ACO2: variants seen among roughly 807,000 people sequenced by gnomAD.
ACO2 encodes aconitase 2.
Under a neutral mutation model 84.5 loss-of-function variants are expected in ACO2, and 31 were observed. That is an observed-to-expected ratio of 0.37 (90% CI 0.28 to 0.50). The LOEUF is 0.50. ACO2 is among the 20% of genes least tolerant of loss of function. The probability of loss-of-function intolerance (pLI) is 0.97; values close to 1 mark genes in which losing one functional copy is unlikely to be tolerated. For synonymous variants in ACO2, 414 were observed against 412.7 expected (o/e 1.00, Z -0.04); for missense variants, 685 against 1,029.3 (o/e 0.67, Z 4.58).
intron 1 of ACO2, among the ~76,000 whole-genome samples, chr22:41,492,836 CA>C (rs1312126342): frequency 2.0e-5 from 3 of 152,124 alleles, no homozygotes; most frequent in African/African-American, 7.2e-5. Context: ...CCCAGCTACT[CA>C]GGAGGCTGAG....
chr22:41,477,007 G>T (rs1274201940), intron 1 of ACO2, among the ~76,000 whole-genome samples: 1 of 150,730 alleles, frequency 6.6e-6, no homozygotes, highest in Non-Finnish European at 1.5e-5. Flanking sequence ...AAATTAACTG[G>T]GCATGGTGGC....
chr22:41,484,540 T>A (rs1483144614), intron 1 of ACO2, among the ~76,000 whole-genome samples: 1 of 152,180 alleles, frequency 6.6e-6, no homozygotes, highest in East Asian at 1.9e-4. Context: ...GGAAAAATTC[T>A]GGTAATTTTT....
Position 41,515,652 on chromosome 22 carries a change from G to T in ACO2, c.685-115G>T. ...GAACAAGTTAGACTCGAATCTTCTG[G>T]GAGGGAGGTAGAGACCAATAAGCAG... On this transcript the variant is annotated intron_variant, in intron 5 of 17. Coordinates refer to ENST00000216254, the MANE Select transcript of ACO2 (RefSeq NM_001098.3). The surrounding 1 kb of genome is among the most constrained non-coding windows in gnomAD (Gnocchi z 5.8). The T allele has an allele frequency of 6.3e-7, 1 of 1,589,252 alleles. No individual in the cohort carries two copies. The highest frequency in any genetic ancestry group is 8.6e-7 in the Non-Finnish European group (1 of 1,164,982).
Position 41,504,711 on chromosome 22 carries a change from C to CTTTTTTTTTTTTTTTTTTTTTTTTTT in ACO2, c.174-3075_174-3050dup, listed in dbSNP as rs926246283. Among the ~76,000 whole-genome samples the CTTTTTTTTTTTTTTTTTTTTTTTTTT allele has an allele frequency of 4.1e-5, 2 of 48,604 alleles. 1 individual carries two copies. The highest frequency in any genetic ancestry group is 1.5e-4 in the African/African-American group (2 of 12,910). 31.9% of individuals were successfully genotyped at this position (48,604 alleles called of 152,430 possible). A position where few individuals can be genotyped will look rare whatever the true frequency, so the allele number is the denominator to read the frequency against. On this transcript the variant is annotated intron_variant, in intron 2 of 17. Coordinates refer to ENST00000216254, the MANE Select transcript of ACO2 (RefSeq NM_001098.3). ...GCCAGCAGATCCAGCACCTTAGGGA[C>CTTTTTTTTTTTTTTTTTTTTTTTTTT]TTTTTTTTTTTTTTTTTTTTTTTTT...
intron 3 of ACO2, 142 bp downstream of exon 3, chr22:41,508,191 T>C: frequency 8.9e-7 from 1 of 1,122,438 alleles, no homozygotes; most frequent in Non-Finnish European, 1.3e-6. Context: ...TTGATTTTAC[T>C]TGTTTCTCTT....
chr22:41,527,887 C>T lies in ACO2; in HGVS notation c.2087-14C>T, dbSNP rs371603320. On this transcript the variant is annotated splice_polypyrimidine_tract_variant and intron_variant, in intron 16 of 17. Transcript: ENST00000216254. Reference sequence around the variant, plus strand: ...AGTCAGGCCCCCGATGACCGAATGCCGCCTGCTTTCCAGAGACCAACCTGA... The same window carrying T: ...AGTCAGGCCCCCGATGACCGAATGCTGCCTGCTTTCCAGAGACCAACCTGA... 3.0e-5 allele frequency: 49 copies of T among 1,614,122 alleles called. 1 individual carries two copies. The highest frequency in any genetic ancestry group is 2.1e-4 in the African/African-American group (16 of 75,026).
intron 1 of ACO2, among the ~76,000 whole-genome samples, chr22:41,484,296 A>G (rs957672294): frequency 3.3e-5 from 5 of 152,146 alleles, no homozygotes; most frequent in African/African-American, 1.2e-4. Context: ...AATGGATTCC[A>G]TGGTACCAGG....
chr22:41,500,038 T>C (rs1018032532), intron 2 of ACO2, among the ~76,000 whole-genome samples, 176 bp downstream of exon 2: 1 of 152,200 alleles, frequency 6.6e-6, no homozygotes, highest in African/African-American at 2.4e-5. Context: ...GTGTAACTTC[T>C]GTCCTCTCTG....
chr22:41,520,685 A>C (rs536269122), intron 9 of ACO2, among the ~76,000 whole-genome samples: 1 of 152,054 alleles, frequency 6.6e-6, no homozygotes, highest in Non-Finnish European at 1.5e-5. Flanking sequence ...TACTAAAAAT[A>C]CAAAAAATTA....
chr22:41,478,869 C>T (rs1035102007), intron 1 of ACO2, among the ~76,000 whole-genome samples: 1 of 151,270 alleles, frequency 6.6e-6, no homozygotes, highest in Non-Finnish European at 1.5e-5. Flanking sequence ...CTCTGGGGCT[C>T]AAGCAATTCT....
chr22:41,511,294 C>T (rs1252784126), intron 3 of ACO2, among the ~76,000 whole-genome samples: 1 of 152,224 alleles, frequency 6.6e-6, no homozygotes, highest in Admixed American at 6.5e-5. Context: ...GCCTCAGCCT[C>T]CCGAGTAACT....
chr22:41,519,132 G>C (rs2066500117), intron 8 of ACO2, among the ~76,000 whole-genome samples: 1 of 152,196 alleles, frequency 6.6e-6, no homozygotes, highest in African/African-American at 2.4e-5. Context: ...CTCAGCTTTA[G>C]GAGAAGCCAA....
chr22:41,513,147 GT>G (rs1382458055), intron 4 of ACO2, among the ~76,000 whole-genome samples: 1 of 152,222 alleles, frequency 6.6e-6, no homozygotes, highest in Non-Finnish European at 1.5e-5. Flanking sequence ...CTGCAGCAGG[GT>G]TAGGGAGTCA....
chr22:41,525,579 C>A (rs916621403), intron 14 of ACO2, among the ~76,000 whole-genome samples: 4 of 152,228 alleles, frequency 2.6e-5, no homozygotes, highest in Non-Finnish European at 4.4e-5. Context: ...CCGTCTGGGG[C>A]CCTCAGCCAT....
At position 41,507,692 on chromosome 22, in the gene ACO2, G is replaced by A. The variant is rs1304013092; in HGVS notation, c.174-99G>A. On this transcript the variant is annotated intron_variant, in intron 2 of 17. Transcript: ENST00000216254. ...CCTGAGTTCAGACTCCCTGTCCCTG[G>A]CCACTGTTGAGGTTGCCACATGGAC... is the stretch of plus-strand genomic sequence containing the variant. The A allele has an allele frequency of 1.6e-5, 24 of 1,498,918 alleles. No individual in the cohort carries two copies. The South Asian group carries it at 2.4e-4, about 15-fold the overall frequency. 92.9% of individuals were successfully genotyped at this position (1,498,918 alleles called of 1,614,324 possible).
chr22:41,523,671 C>T (rs930009488), intron 11 of ACO2, among the ~76,000 whole-genome samples, 159 bp from the exon 12 acceptor site: 1 of 152,214 alleles, frequency 6.6e-6, no homozygotes, highest in Non-Finnish European at 1.5e-5. Flanking sequence ...TTCTGCTCTG[C>T]GCGTGGCCCC....
chr22:41,476,157 C>G (rs2038010887), intron 1 of ACO2, among the ~76,000 whole-genome samples: 1 of 152,156 alleles, frequency 6.6e-6, no homozygotes, highest in Non-Finnish European at 1.5e-5. Flanking sequence ...CCTGTAATCC[C>G]AGCACTTTGG....
intron 1 of ACO2, among the ~76,000 whole-genome samples, chr22:41,489,801 G>T (rs2066258813): frequency 6.6e-6 from 1 of 151,712 alleles, no homozygotes; most frequent in Non-Finnish European, 1.5e-5. Context: ...TATTGTAAAG[G>T]TACATTTTTT....
chr22:41,498,488 C>T (rs1319755886), intron 1 of ACO2, among the ~76,000 whole-genome samples: 1 of 152,162 alleles, frequency 6.6e-6, no homozygotes, highest in Non-Finnish European at 1.5e-5. Flanking sequence ...TGGGGCCTCT[C>T]CAGAAGTTGC....
Sources: allele counts gnomAD v4.1 joint callset (sites outside exome capture counted in the v4.1 genomes callset), GRCh38; gene constraint gnomAD v4.1.1; non-coding constraint Gnocchi (gnomAD v3.1); transcripts MANE v1.5; gene names NCBI Gene and HGNC (gene_info 2026-07-23, HGNC 2026-07-21).